The following DAD1 variants were observed in gnomAD, a reference collection of about 807,000 sequenced individuals.
DAD1 encodes the protein dolichyl-diphosphooligosaccharide--protein glycosyltransferase subunit DAD1.
In DAD1, 4 loss-of-function variants were observed where a neutral mutation model predicts 9.0. The ratio of observed to expected loss-of-function variants is 0.44; its 90% CI spans 0.22 to 1.01. The LOEUF (loss-of-function observed/expected upper bound fraction) is 1.01. Among genes scored for constraint, DAD1 ranks in the 50% least tolerant of loss-of-function variants. DAD1 has a pLI of 0.24. For missense variants in DAD1, 119 were observed against 137.3 expected (o/e 0.87, Z 0.67); for synonymous variants, 60 against 62.5 (o/e 0.96, Z 0.19).
chr14:22,572,398 GAGC>G (rs2037047565), intron 2 of DAD1, among the ~76,000 whole-genome samples: 1 of 152,138 alleles, frequency 6.6e-6, no homozygotes, highest in African/African-American at 2.4e-5. Context: ...TAAAAACTGA[GAGC>G]AGGACAGTAT....
At chr14:22,584,690 T>C (rs1040638926) in intron 1 of DAD1, among the ~76,000 whole-genome samples, 2 of 152,158 alleles carry the variant, frequency 1.3e-5, no homozygotes, top group Non-Finnish European at 2.9e-5. Flanking sequence ...CTCAATACTG[T>C]TGGAGCAGAG....
chr14:22,575,724 T>A (rs111494934), intron 1 of DAD1, among the ~76,000 whole-genome samples: 4,574 of 152,238 alleles, frequency 0.03, 106 homozygotes, highest in Middle Eastern at 0.061. Context: ...ATTTTTTGTA[T>A]TTTTAGTAGA....
chr14:22,576,945 T>C (rs2037081420), intron 1 of DAD1, among the ~76,000 whole-genome samples: 1 of 152,168 alleles, frequency 6.6e-6, no homozygotes, highest in Non-Finnish European at 1.5e-5. Context: ...TCTATTAGGA[T>C]GTCTAGTATC....
chr14:22,571,008 ATTTTTTT>A lies in DAD1; in HGVS notation c.*44+4044_*44+4050del, dbSNP rs59314743. Among the ~76,000 whole-genome samples the A allele has an allele frequency of 4.1e-3, 601 of 145,756 alleles. 4 individuals are homozygous for A. The highest frequency in any genetic ancestry group is 0.012 in the African/African-American group (482 of 39,848). ...TTCAGAACACCTGAGATGGACTGAG[ATTTTTTT>A]TTTTTTTTTTAAAAAAGAGTTTCAC... On this transcript the variant is annotated intron_variant, in intron 2 of 2. Coordinates refer to ENST00000250498, the MANE Select transcript of DAD1 (RefSeq NM_001344.4).
intron 2 of DAD1, among the ~76,000 whole-genome samples, chr14:22,566,809 G>A (rs995319567): frequency 1.3e-5 from 2 of 152,182 alleles, no homozygotes; most frequent in African/African-American, 4.8e-5. Flanking sequence ...CCACGTGAAA[G>A]GCAAAAATTG....
Position 22,578,467 on chromosome 14 carries a change from G to A in DAD1, c.212-3234C>T, listed in dbSNP as rs139601660. Among the ~76,000 whole-genome samples, 519 of 152,294 alleles carry A rather than the reference G, an allele frequency of 3.4e-3. 2 individuals are homozygous for A. Among genetic ancestry groups the A allele is most frequent in the African/African-American group, 0.012 (495 of 41,556 alleles). ...TGTAATCCCAGCTACTCAGGAGGCT[G>A]AGGCAGGAGAATTTGCTTAAACTCA... is the stretch of plus-strand genomic sequence containing the variant. On this transcript the variant is annotated intron_variant, in intron 1 of 2. Coordinates refer to ENST00000250498, the MANE Select transcript of DAD1 (RefSeq NM_001344.4).
intron 1 of DAD1, among the ~76,000 whole-genome samples, chr14:22,584,740 C>A (rs1045475429): frequency 6.6e-6 from 1 of 151,956 alleles, no homozygotes; most frequent in Non-Finnish European, 1.5e-5. Flanking sequence ...CTGCAGACAG[C>A]GAGGAAGCCA....
intron 2 of DAD1, among the ~76,000 whole-genome samples, chr14:22,573,071 T>C (rs1330616797): frequency 6.6e-6 from 1 of 152,222 alleles, no homozygotes; most frequent in East Asian, 1.9e-4. Context: ...TTGCAGCACT[T>C]TGTTCAAACC....
chr14:22,579,187 C>T (rs56222069), intron 1 of DAD1, among the ~76,000 whole-genome samples: 13,620 of 150,738 alleles, frequency 0.09, 1,127 homozygotes, highest in African/African-American at 0.22. Flanking sequence ...TGCCACACTC[C>T]ATCCCCTTGA....
At chr14:22,574,114 T>C (rs1191136446) in intron 2 of DAD1, among the ~76,000 whole-genome samples, 2 of 152,118 alleles carry the variant, frequency 1.3e-5, no homozygotes, top group Non-Finnish European at 1.5e-5. Flanking sequence ...AAGGCAAAGA[T>C]TGCATGCATT....
intron 2 of DAD1, among the ~76,000 whole-genome samples, chr14:22,566,693 G>C (rs2037004282): frequency 6.6e-6 from 1 of 152,268 alleles, no homozygotes; most frequent in East Asian, 1.9e-4. Context: ...AGTGAACAAA[G>C]CCTTGACACT....
chr14:22,568,120 C>T (rs1293601291), intron 2 of DAD1, among the ~76,000 whole-genome samples: 1 of 150,254 alleles, frequency 6.7e-6, no homozygotes, highest in Non-Finnish European at 1.5e-5. Flanking sequence ...TTATCCAGTT[C>T]CCCCTCAGTC....
intron 1 of DAD1, among the ~76,000 whole-genome samples, chr14:22,588,078 G>A (rs1014420926): frequency 6.6e-6 from 1 of 152,138 alleles, no homozygotes; most frequent in Non-Finnish European, 1.5e-5. Flanking sequence ...ACCCCAACTA[G>A]ACCATAAACT....
intron 1 of DAD1, among the ~76,000 whole-genome samples, chr14:22,577,124 T>C (rs1213094177): frequency 6.6e-6 from 1 of 152,152 alleles, no homozygotes; most frequent in Non-Finnish European, 1.5e-5. Flanking sequence ...TCTGGGTACA[T>C]ATCCAAAAGA....
chr14:22,581,859 C>T (rs8005354), intron 1 of DAD1, among the ~76,000 whole-genome samples: 106,065 of 151,718 alleles, frequency 0.7, 38,749 homozygotes, highest in African/African-American at 0.93. Context: ...GAAAACAGTA[C>T]GGATTCAGTT....
chr14:22,580,793 A>T (rs2037111042), intron 1 of DAD1, among the ~76,000 whole-genome samples: 1 of 152,192 alleles, frequency 6.6e-6, no homozygotes, highest in Non-Finnish European at 1.5e-5. Flanking sequence ...GGGGAGGCGT[A>T]CTAATCACGT....
intron 1 of DAD1, among the ~76,000 whole-genome samples, chr14:22,577,918 T>A (rs779799676): frequency 6.6e-6 from 1 of 152,142 alleles, no homozygotes; most frequent in South Asian, 2.1e-4. Context: ...TTAAAAATGG[T>A]TAAAATGGTA....
At chr14:22,574,579 C>T (rs2037064210) in intron 2 of DAD1, among the ~76,000 whole-genome samples, 1 of 152,196 alleles carries the variant, frequency 6.6e-6, no homozygotes. Flanking sequence ...CCCAATTTCC[C>T]CATTTATTTC....
chr14:22,588,811 C>T (rs1038507204), intron 1 of DAD1, 136 bp downstream of exon 1: 38 of 877,144 alleles, frequency 4.3e-5, no homozygotes, highest in Non-Finnish European at 5.5e-5. Flanking sequence ...CCTCAATTTC[C>T]CCATTCACAA....
Sources: gnomAD v4.1 joint callset for allele counts (sites outside exome capture counted in the v4.1 genomes callset) on GRCh38, gnomAD v4.1.1 for gene constraint, MANE v1.5 for transcripts, NCBI Gene and HGNC (gene_info 2026-07-23, HGNC 2026-07-21) for gene names.